CUBN: variants seen among roughly 807,000 people sequenced by gnomAD.
The protein encoded by CUBN is cubilin.
Under a neutral mutation model 405.3 loss-of-function variants are expected in CUBN, and 282 were observed. That is an observed-to-expected ratio of 0.70 (90% CI 0.63 to 0.77). The LOEUF (loss-of-function observed/expected upper bound fraction) is 0.77. CUBN is among the 30% of genes least tolerant of loss of function. The probability of loss-of-function intolerance (pLI) is 0.00; values close to 1 mark genes in which losing one functional copy is unlikely to be tolerated. For synonymous variants in CUBN, 1,684 were observed against 1,617.0 expected (o/e 1.04, Z -0.99); for missense variants, 4,514 against 4,475.2 (o/e 1.01, Z -0.25).
At chr10:17,031,353 T>G (rs961461335) in intron 27 of CUBN, among the ~76,000 whole-genome samples, 2 of 152,232 alleles carry the variant, frequency 1.3e-5, no homozygotes, top group East Asian at 3.8e-4. Context: ...ATAGATTTGT[T>G]CTCTATTTGC....
At chr10:17,026,352 G>A (rs1834662849) in intron 27 of CUBN, among the ~76,000 whole-genome samples, 1 of 152,196 alleles carries the variant, frequency 6.6e-6, no homozygotes, top group South Asian at 2.1e-4. Flanking sequence ...AATCACAGAG[G>A]CTGGTTGTGG....
chr10:16,969,367 T>TC (rs1318694451), intron 31 of CUBN, among the ~76,000 whole-genome samples: 1 of 151,730 alleles, frequency 6.6e-6, no homozygotes, highest in Non-Finnish European at 1.5e-5. Context: ...CTCCATTTTT[T>TC]TTTTTTTAGA....
chr10:16,901,392 G>A lies in CUBN; in HGVS notation c.8130C>T (p.Asp2710=), dbSNP rs765225189. 1.5e-5 allele frequency: 24 copies of A among 1,614,056 alleles called. No individual in the cohort carries two copies. Among genetic ancestry groups the A allele is most frequent in the South Asian group, 5.5e-5 (5 of 91,088 alleles). Residue 2710 remains aspartate, a synonymous_variant, in exon 52 of 67, where the codon GAC becomes GAT. Coordinates refer to ENST00000377833, the MANE Select transcript of CUBN (RefSeq NM_001081.4). The stretch of plus-strand genomic sequence containing the variant: ...ACAGCGAAGAGCAGTGGGTCAGGCT[G>A]TCATAAGCATTTGGATAGTTGGGGC... ...ITSPNYPNAY[D]SLTHCSSLLE...
chr10:17,072,486 C>A (rs544788339), intron 17 of CUBN, among the ~76,000 whole-genome samples: 4 of 152,204 alleles, frequency 2.6e-5, no homozygotes, highest in African/African-American at 9.6e-5. Flanking sequence ...ATTATCTGAG[C>A]ACCTTGGGAG....
chr10:16,909,093 G>A (rs1031415476), intron 48 of CUBN, among the ~76,000 whole-genome samples: 1 of 151,222 alleles, frequency 6.6e-6, no homozygotes, highest in African/African-American at 2.4e-5. Flanking sequence ...CACCTTGTTA[G>A]CCAGGATGGT....
chr10:16,928,420 A>C, intron 40 of CUBN, 117 bp from the exon 41 acceptor site: 2 of 1,064,948 alleles, frequency 1.9e-6, no homozygotes, highest in East Asian at 5.1e-5. Flanking sequence ...GACTCGTAGG[A>C]GATAATGGGA....
At chr10:17,128,708 A>G (rs1325760787) in intron 2 of CUBN, among the ~76,000 whole-genome samples, 2 of 152,198 alleles carry the variant, frequency 1.3e-5, no homozygotes, top group African/African-American at 4.8e-5. Flanking sequence ...AACATGTCTG[A>G]TGCCCAATTA....
intron 27 of CUBN, among the ~76,000 whole-genome samples, chr10:17,039,085 C>G (rs922730957): frequency 2.6e-5 from 4 of 152,090 alleles, no homozygotes; most frequent in South Asian, 2.1e-4. Flanking sequence ...TTCCTCCCCC[C>G]TCTTTCTGCC....
At chr10:16,866,197 CAAT>C (rs1280669773) in intron 59 of CUBN, among the ~76,000 whole-genome samples, 8 of 152,030 alleles carry the variant, frequency 5.3e-5, no homozygotes, top group East Asian at 3.9e-4. Flanking sequence ...AAAAATGAAA[CAAT>C]GATGCTACTG....
chr10:17,073,317 A>C (rs1835780161), intron 17 of CUBN, among the ~76,000 whole-genome samples: 1 of 152,210 alleles, frequency 6.6e-6, no homozygotes, highest in Non-Finnish European at 1.5e-5. Flanking sequence ...TCCTCAGTAC[A>C]TCAGATAAGA....
intron 11 of CUBN, among the ~76,000 whole-genome samples, chr10:17,105,026 T>C (rs997311370): frequency 2.6e-5 from 4 of 151,744 alleles, no homozygotes; most frequent in Non-Finnish European, 1.5e-5. Context: ...CTGGTCTTGA[T>C]CTCCTGGCTC....
intron 29 of CUBN, among the ~76,000 whole-genome samples, chr10:16,986,514 C>T (rs1833431045): frequency 6.6e-6 from 1 of 152,144 alleles, no homozygotes; most frequent in Non-Finnish European, 1.5e-5. Flanking sequence ...ACGGCTGTTA[C>T]ACAGAGGGCT....
chr10:17,076,226 T>C (rs1420289327), intron 17 of CUBN, among the ~76,000 whole-genome samples: 7 of 152,238 alleles, frequency 4.6e-5, no homozygotes, highest in African/African-American at 1.7e-4. Flanking sequence ...GAGGAACTCA[T>C]AGGGCTCAAG....
At chr10:17,037,957 T>TC (rs1834934587) in intron 27 of CUBN, among the ~76,000 whole-genome samples, 1 of 148,390 alleles carries the variant, frequency 6.7e-6, no homozygotes, top group Admixed American at 6.7e-5. Context: ...TTTTTTTTTT[T>TC]AGACAGGGTC....
At chr10:16,903,852 C>T in intron 51 of CUBN, 114 bp downstream of exon 51, 1 of 657,224 alleles carries the variant, frequency 1.5e-6, no homozygotes, top group Non-Finnish European at 2.4e-6. Flanking sequence ...ATAATATTAA[C>T]AAAACTAATA....
In CUBN at chr10:17,097,619, A is replaced by T. The variant is rs1404047624; in HGVS notation, c.1765+2386T>A. On this transcript the variant is annotated intron_variant, in intron 14 of 66. Coordinates refer to ENST00000377833, the MANE Select transcript of CUBN (RefSeq NM_001081.4). ...CAAATATAGATATAAAAATCCTAAA[A>T]ATACATATTAGCAAATAAAATCTAG... 2.0e-5 allele frequency among the ~76,000 whole-genome samples: 3 copies of T among 152,298 alleles called. No individual in the cohort carries two copies. In the East Asian group the frequency reaches 5.8e-4, roughly 29 times the overall value.
intron 64 of CUBN, among the ~76,000 whole-genome samples, chr10:16,833,954 T>G (rs1429770074): frequency 6.6e-6 from 1 of 152,208 alleles, no homozygotes; most frequent in Non-Finnish European, 1.5e-5. Flanking sequence ...GAAACTTTAC[T>G]GAAGACTCTT....
intron 5 of CUBN, 24 bp downstream of exon 5, chr10:17,123,564 T>C: frequency 6.5e-7 from 1 of 1,549,446 alleles, no homozygotes; most frequent in Non-Finnish European, 8.9e-7. Flanking sequence ...GCCATCATTC[T>C]TAACCAAAGA....
In CUBN at chr10:16,824,783, G is replaced by T; in HGVS notation, c.*192C>A. On this transcript the variant is annotated 3_prime_UTR_variant, in exon 67 of 67. Transcript: ENST00000377833. The stretch of plus-strand genomic sequence containing the variant: ...GATCAACCTGCCTCGGCCTCCCAAA[G>T]TGCTGAGAATACAGGGGGGTGAGCC... 1.7e-6 allele frequency: 1 copy of T among 573,946 alleles called. No individual in the cohort carries two copies. Among genetic ancestry groups the T allele is most frequent in the Non-Finnish European group, 3.3e-6 (1 of 306,712 alleles). The allele number at this position is 573,946 out of a possible 1,614,324, so 35.6% of individuals were successfully genotyped here.
Sources: gnomAD v4.1 joint callset for allele counts (sites outside exome capture counted in the v4.1 genomes callset) on GRCh38, gnomAD v4.1.1 for gene constraint, MANE v1.5 for transcripts, NCBI Gene and HGNC (gene_info 2026-07-23, HGNC 2026-07-21) for gene names.